MRTFB: variants seen among roughly 807,000 people sequenced by gnomAD.
MRTFB encodes myocardin related transcription factor B, also known as myocardin-related transcription factor B.
Under a neutral mutation model 104.2 loss-of-function variants are expected in MRTFB, and 29 were observed. The ratio of observed to expected loss-of-function variants is 0.28; its 90% CI spans 0.21 to 0.38. The LOEUF (loss-of-function observed/expected upper bound fraction) is 0.38. Among genes scored for constraint, MRTFB ranks in the 10% least tolerant of loss-of-function variants. MRTFB has a pLI of 1.00. For missense variants in MRTFB, 1,270 were observed against 1,341.6 expected, an observed-to-expected ratio of 0.95 and a Z score of 0.83; for synonymous variants, 535 against 519.5, an observed-to-expected ratio of 1.03 and a Z score of -0.41.
intron 2 of MRTFB, among the ~76,000 whole-genome samples, chr16:14,081,592 A>G (rs1297609805): frequency 7.1e-6 from 1 of 141,374 alleles, no homozygotes; most frequent in East Asian, 2.1e-4. Context: ...GCACCCGGCC[A>G]TTTGTATGCT....
intron 8 of MRTFB, among the ~76,000 whole-genome samples, chr16:14,226,590 G>A (rs930936764): frequency 3.9e-5 from 6 of 152,194 alleles, no homozygotes; most frequent in Admixed American, 2.0e-4. Flanking sequence ...AGAAGAAAAT[G>A]TAGGGGAAAG....
chr16:14,238,486 G>A (rs766658345), intron 9 of MRTFB, among the ~76,000 whole-genome samples: 8 of 152,164 alleles, frequency 5.3e-5, no homozygotes, highest in Non-Finnish European at 7.3e-5. Flanking sequence ...GACAAAATAC[G>A]TGGTGGGTAT....
At chr16:14,191,567 T>C (rs2040185030) in intron 3 of MRTFB, among the ~76,000 whole-genome samples, 1 of 152,254 alleles carries the variant, frequency 6.6e-6, no homozygotes, top group South Asian at 2.1e-4. Flanking sequence ...TCTGGCCTGT[T>C]TGTCCCCCTC....
At chr16:14,093,247 T>C (rs554493072) in intron 2 of MRTFB, among the ~76,000 whole-genome samples, 1 of 152,188 alleles carries the variant, frequency 6.6e-6, no homozygotes, top group South Asian at 2.1e-4. Flanking sequence ...AGATGGATTT[T>C]TTTTTTTTTT....
In MRTFB at chr16:14,175,934, G is replaced by A. The variant is rs539249500; in HGVS notation, c.155-34309G>A. The stretch of plus-strand genomic sequence containing the variant: ...ATAAACTAATTGATGGTGATAGAAA[G>A]CAGATCAGTGATTATCTGGAAACTG... On this transcript the variant is annotated intron_variant, in intron 3 of 16. Coordinates refer to ENST00000571589, the MANE Select transcript of MRTFB (RefSeq NM_001308142.2). Among the ~76,000 whole-genome samples, 145 of 152,276 alleles carry A rather than the reference G, an allele frequency of 9.5e-4. 1 individual carries two copies. Among genetic ancestry groups the A allele is most frequent in the Non-Finnish European group, 5.9e-4 (40 of 68,016 alleles).
At chr16:14,042,274 C>A in the MRTFB span, among the ~76,000 whole-genome samples, 1 of 151,954 alleles carries the variant, frequency 6.6e-6, no homozygotes. Flanking sequence ...TACAGGCACC[C>A]GCCACCACGC....
chr16:14,091,220 G>T (rs990933662), intron 2 of MRTFB, among the ~76,000 whole-genome samples: 10 of 152,152 alleles, frequency 6.6e-5, no homozygotes, highest in Non-Finnish European at 1.5e-4. Flanking sequence ...TAGAGTTGTA[G>T]AAGACAGAGG....
intron 2 of MRTFB, among the ~76,000 whole-genome samples, chr16:14,107,403 T>A (rs1423986265): frequency 6.6e-6 from 1 of 152,210 alleles, no homozygotes; most frequent in Non-Finnish European, 1.5e-5. Context: ...TCCATCATTT[T>A]GCAGGACCAC....
At chr16:14,050,012 C>T in the MRTFB span, among the ~76,000 whole-genome samples, 801 of 152,312 alleles carry the variant, frequency 5.3e-3, 8 homozygotes, top group African/African-American at 0.018. Context: ...GGATTACAGG[C>T]GTGAGCCACC....
chr16:14,048,787 T>C, the MRTFB span, among the ~76,000 whole-genome samples: 1 of 152,222 alleles, frequency 6.6e-6, no homozygotes, highest in African/African-American at 2.4e-5. Flanking sequence ...CTGCCTCTTG[T>C]ACATCCACCA....
At chr16:14,059,121 T>C in the MRTFB span, among the ~76,000 whole-genome samples, 1 of 152,170 alleles carries the variant, frequency 6.6e-6, no homozygotes, top group African/African-American at 2.4e-5. Context: ...ATTTATGGGA[T>C]ACAGATATTT....
rs990953487 is a variant in MRTFB at position 14,216,993 on chromosome 16, C to G, written c.353-133C>G. On this transcript the variant is annotated intron_variant, in intron 6 of 16. Coordinates refer to ENST00000571589, the MANE Select transcript of MRTFB (RefSeq NM_001308142.2). ...TGGAGAATTCTTAAACAGTCATTTT[C>G]TCTTTCCATAAATATGTCGAGAACA... The G allele has an allele frequency of 3.0e-5, 26 of 869,114 alleles. No homozygotes were observed. In the African/African-American group the frequency reaches 3.7e-4, roughly 12 times the overall value. 53.8% of individuals were successfully genotyped at this position (869,114 alleles called of 1,614,324 possible).
At chr16:14,045,507 A>G in the MRTFB span, among the ~76,000 whole-genome samples, 1 of 152,228 alleles carries the variant, frequency 6.6e-6, no homozygotes, top group East Asian at 1.9e-4. Flanking sequence ...GATATTCGAA[A>G]ACCTTACCTG....
chr16:14,068,432 T>G (rs1025287146), upstream of MRTFB, among the ~76,000 whole-genome samples: 1 of 152,198 alleles, frequency 6.6e-6, no homozygotes. Context: ...GGGGATTTTC[T>G]GTTTCATAAA....
intron 3 of MRTFB, among the ~76,000 whole-genome samples, chr16:14,195,956 G>A (rs2040412682): frequency 6.6e-6 from 1 of 152,216 alleles, no homozygotes; most frequent in African/African-American, 2.4e-5. Flanking sequence ...TTTAACCTCT[G>A]CATTGTTGGT....
At chr16:14,159,329 G>A (rs2038942641) in intron 3 of MRTFB, among the ~76,000 whole-genome samples, 1 of 152,092 alleles carries the variant, frequency 6.6e-6, no homozygotes, top group Non-Finnish European at 1.5e-5. Flanking sequence ...TACTTTTGAA[G>A]GTACTCAGCT....
chr16:14,133,032 T>C (rs1437599322), intron 2 of MRTFB, among the ~76,000 whole-genome samples: 1 of 152,244 alleles, frequency 6.6e-6, no homozygotes, highest in Non-Finnish European at 1.5e-5. Flanking sequence ...AATACTACAA[T>C]ATATCAGGTA....
At chr16:14,071,090 C>G (rs1456443673), upstream of MRTFB, among the ~76,000 whole-genome samples, 4 of 152,132 alleles carry the variant, frequency 2.6e-5, no homozygotes, top group East Asian at 7.7e-4. Flanking sequence ...ACCCGGCCGG[C>G]CAGGTGAGAA....
chr16:14,081,791 A>G (rs1450708598), intron 2 of MRTFB, among the ~76,000 whole-genome samples: 3 of 147,796 alleles, frequency 2.0e-5, no homozygotes, highest in Admixed American at 1.3e-4. Context: ...CATGTTGCCC[A>G]GGCTGGTCTC....
Sources: gnomAD v4.1 joint callset for allele counts (sites outside exome capture counted in the v4.1 genomes callset) on GRCh38, gnomAD v4.1.1 for gene constraint, MANE v1.5 for transcripts, NCBI Gene and HGNC (gene_info 2026-07-23, HGNC 2026-07-21) for gene names.